Variants in DOCK9 observed in about 807,000 individuals in gnomAD.
DOCK9 encodes dedicator of cytokinesis 9.
A neutral mutation model predicts 263.3 loss-of-function variants in DOCK9; 89 were observed. That is an observed-to-expected ratio of 0.34 (90% CI 0.28 to 0.40). DOCK9 has a LOEUF of 0.40. Ranked by LOEUF, DOCK9 falls within the 10% of genes least tolerant of loss-of-function variation. DOCK9 has a pLI of 1.00. For missense variants in DOCK9, 2,140 were observed against 2,603.4 expected (o/e 0.82, Z 3.87); for synonymous variants, 976 against 973.1 (o/e 1.00, Z -0.06).
chr13:98,873,809 C>G (rs1187988912), intron 27 of DOCK9, among the ~76,000 whole-genome samples: 1 of 152,240 alleles, frequency 6.6e-6, no homozygotes, highest in Non-Finnish European at 1.5e-5. Context: ...ACTGTTACTT[C>G]AGGTCTCTGT....
intron 1 of DOCK9, 76 bp from the exon 2 acceptor site, chr13:98,955,627 T>C (rs1292101449): frequency 4.2e-6 from 4 of 945,316 alleles, no homozygotes; most frequent in East Asian, 5.3e-5. Flanking sequence ...TAGTATGTTC[T>C]ACTCTATGTT....
intron 35 of DOCK9, among the ~76,000 whole-genome samples, 153 bp downstream of exon 35, chr13:98,853,255 T>C (rs2093620705): frequency 6.6e-6 from 1 of 152,236 alleles, no homozygotes; most frequent in Non-Finnish European, 1.5e-5. Flanking sequence ...AGTCAATGAA[T>C]TGCATTTTAA....
chr13:98,902,432 A>G lies in DOCK9; in HGVS notation c.1236T>C (p.Ser412=). ...LFDIKYNRKI[S]ADFHVDLNHF... is the part of the protein sequence containing the mutation. ...GGTTCAGGTCTACGTGGAAATCGGC[A>G]GAAATCTTCCGGTTGTATTTTATGT... is the stretch of plus-strand genomic sequence containing the variant. The change falls in exon 12 of 53, where the codon TCT becomes TCC. Residue 412 remains serine, a synonymous_variant. Transcript: ENST00000682017. 2 of 1,614,060 alleles carry G rather than the reference A, an allele frequency of 1.2e-6. No homozygotes were observed. The highest frequency in any genetic ancestry group is 1.1e-5 in the South Asian group (1 of 91,082).
intron 4 of DOCK9, among the ~76,000 whole-genome samples, chr13:98,923,693 AG>A (rs2052449816): frequency 6.6e-6 from 1 of 152,230 alleles, no homozygotes; most frequent in African/African-American, 2.4e-5. Flanking sequence ...AAAGTTTATG[AG>A]GAAAAAAAGG....
chr13:99,054,556 G>C (rs1220494350), intron 1 of DOCK9, among the ~76,000 whole-genome samples: 1 of 152,236 alleles, frequency 6.6e-6, no homozygotes, highest in African/African-American at 2.4e-5. Context: ...TTTGCTGTTA[G>C]TTGTTGGTTG....
At chr13:98,948,796 G>A (rs1256175799) in intron 2 of DOCK9, among the ~76,000 whole-genome samples, 2 of 152,166 alleles carry the variant, frequency 1.3e-5, no homozygotes, top group African/African-American at 2.4e-5. Context: ...AGGTGGAATT[G>A]AACAGTATTT....
chr13:98,846,145 A>G lies in DOCK9; in HGVS notation c.4062-85T>C, dbSNP rs1017053662. ...CGGGGAGTGTTAGTGAAGCCAGAAC[A>G]TGGCACGAGGGAGATGGCCATGCAC... is the stretch of plus-strand genomic sequence containing the variant. On this transcript the variant is annotated intron_variant, in intron 37 of 52. Transcript: ENST00000682017. 68 of 1,473,392 alleles carry G rather than the reference A, an allele frequency of 4.6e-5. 1 individual carries two copies. In the Middle Eastern group the frequency reaches 5.4e-4, roughly 12 times the overall value. 91.3% of individuals were successfully genotyped at this position (1,473,392 alleles called of 1,614,324 possible). A position where few individuals can be genotyped will look rare whatever the true frequency, so the allele number is the denominator to read the frequency against.
At chr13:98,860,683 G>A (rs1480229571) in intron 32 of DOCK9, among the ~76,000 whole-genome samples, 161 bp from the exon 33 acceptor site, 1 of 151,402 alleles carries the variant, frequency 6.6e-6, no homozygotes, top group South Asian at 2.1e-4. Flanking sequence ...TGAGGGTGGA[G>A]GGTGGGATGG....
At chr13:98,812,909 TA>T (rs1378142934) in intron 45 of DOCK9, among the ~76,000 whole-genome samples, 3 of 152,270 alleles carry the variant, frequency 2.0e-5, no homozygotes, top group Non-Finnish European at 4.4e-5. Flanking sequence ...TAAATGGCGA[TA>T]TTTTTTATGC....
intron 15 of DOCK9, among the ~76,000 whole-genome samples, chr13:98,896,560 C>T (rs1234329846): frequency 6.6e-6 from 1 of 152,008 alleles, no homozygotes; most frequent in Non-Finnish European, 1.5e-5. Context: ...ATTCTTTTCA[C>T]TTCACATCTT....
chr13:98,905,632 C>T (rs4772155), intron 9 of DOCK9, among the ~76,000 whole-genome samples: 1 of 151,890 alleles, frequency 6.6e-6, no homozygotes, highest in Non-Finnish European at 1.5e-5. Context: ...GATTTGAATG[C>T]CAAGGATTGG....
intron 1 of DOCK9, among the ~76,000 whole-genome samples, chr13:99,072,975 G>A (rs1237584266): frequency 1.3e-5 from 2 of 152,034 alleles, no homozygotes; most frequent in African/African-American, 4.8e-5. Flanking sequence ...CTCCAGCCTG[G>A]GTGACAGACC....
intron 15 of DOCK9, among the ~76,000 whole-genome samples, chr13:98,891,876 T>C (rs2046673850): frequency 6.6e-6 from 1 of 152,108 alleles, no homozygotes; most frequent in Non-Finnish European, 1.5e-5. Context: ...TTTCAAAAGT[T>C]TATGGTTTAT....
chr13:99,052,622 G>A (rs1017578801), intron 1 of DOCK9, among the ~76,000 whole-genome samples: 4 of 152,050 alleles, frequency 2.6e-5, no homozygotes, highest in Non-Finnish European at 4.4e-5. Context: ...TAGACACAGG[G>A]TCTCACTGTG....
chr13:99,043,263 G>A (rs1024392017), intron 1 of DOCK9, among the ~76,000 whole-genome samples: 6 of 152,196 alleles, frequency 3.9e-5, no homozygotes, highest in Admixed American at 2.6e-4. Context: ...GGAAGAAACT[G>A]GGGAAGATAT....
At chr13:98,968,308 T>A (rs986782179) in intron 1 of DOCK9, among the ~76,000 whole-genome samples, 4 of 152,206 alleles carry the variant, frequency 2.6e-5, no homozygotes, top group Non-Finnish European at 4.4e-5. Context: ...TTCTTTTTAC[T>A]TTAACTTGGC....
At chr13:98,833,725 G>A (rs2092865564) in intron 39 of DOCK9, among the ~76,000 whole-genome samples, 1 of 152,020 alleles carries the variant, frequency 6.6e-6, no homozygotes, top group African/African-American at 2.4e-5. Flanking sequence ...ACAGGTAAAG[G>A]ACCTTTTGTC....
In DOCK9 at chr13:98,794,037, C is replaced by T. The variant is rs1427568122; in HGVS notation, c.*589G>A. On this transcript the variant is annotated 3_prime_UTR_variant, in exon 53 of 53. Transcript: ENST00000682017. ...TAAACTGCTTGACTAGTTTTAAGCT[C>T]ACATAATTCCTTAAGCTTTCATATT... The T allele has an allele frequency of 1.3e-5, 2 of 152,660 alleles. No individual in the cohort carries two copies. Among genetic ancestry groups the T allele is most frequent in the Non-Finnish European group, 2.9e-5 (2 of 68,132 alleles). The allele number at this position is 152,660 out of a possible 1,614,324, so 9.5% of individuals were successfully genotyped here.
rs1442985482 is a variant in DOCK9, at chr13:98,888,524, G to A, written c.1813C>T (p.Pro605Ser). Residue 605 changes from proline (P) to serine (S), a missense_variant, in exon 17 of 53, where the codon CCC (proline) becomes TCC (serine). Pro to Ser is a moderately conservative substitution (Grantham distance 74). Coordinates refer to ENST00000682017, the MANE Select transcript of DOCK9 (RefSeq NM_001366683.2). The part of the protein sequence containing the change: ...FPNYVNSSYI[P>S]TKQFETCSKT... ...CTGCAGGTTTCAAATTGTTTTGTGG[G>A]AATGTATGATGAATTAACATAATCT... 4.3e-6 allele frequency: 7 copies of A among 1,613,778 alleles called. No individual in the cohort carries two copies. Among genetic ancestry groups the A allele is most frequent in the African/African-American group, 1.3e-5 (1 of 74,916 alleles).
Sources: gnomAD v4.1 joint callset for allele counts (sites outside exome capture counted in the v4.1 genomes callset) on GRCh38, gnomAD v4.1.1 for gene constraint, MANE v1.5 for transcripts, NCBI Gene and HGNC (gene_info 2026-07-23, HGNC 2026-07-21) for gene names.